The following DMD variants were observed in gnomAD, a reference collection of about 807,000 sequenced individuals.
DMD encodes the protein mutant dystrophin.
Under a neutral mutation model 330.1 loss-of-function variants are expected in DMD, and 63 were observed. The ratio of observed to expected loss-of-function variants is 0.19; its 90% CI spans 0.16 to 0.24. The LOEUF is 0.24. DMD is among the 10% of genes least tolerant of loss of function. The pLI is 1.00. For missense variants in DMD, 3,344 were observed against 2,684.1 expected (o/e 1.25, Z -5.43); for synonymous variants, 1,223 against 959.8 (o/e 1.27, Z -5.07).
chrX:32,620,260 A>G (rs2057891520), intron 11 of DMD, among the ~76,000 whole-genome samples: 1 of 112,084 alleles, frequency 8.9e-6, no homozygotes. Context: ...TGGAACCTGT[A>G]TGTAATGTTA....
chrX:32,586,312 G>C (rs974035547), intron 13 of DMD, among the ~76,000 whole-genome samples: 2 of 108,892 alleles, frequency 1.8e-5, no homozygotes, highest in Non-Finnish European at 1.9e-5. Flanking sequence ...AGTGTGACAG[G>C]TGTTAATATA....
At position 31,680,377 on chromosome X, in the gene DMD, C is replaced by CT. The variant is rs1188303470; in HGVS notation, c.7661-792dup. Among the ~76,000 whole-genome samples, 503 of 103,474 alleles carry CT rather than the reference C, an allele frequency of 4.9e-3. 3 individuals carry two copies. Among genetic ancestry groups the CT allele is most frequent in the Middle Eastern group, 9.8e-3 (2 of 204 alleles). The allele number at this position is 103,474 out of a possible 115,157, so 89.9% of individuals were successfully genotyped here. A position where few individuals can be genotyped will look rare whatever the true frequency, so the allele number is the denominator to read the frequency against. ...TATTAGAAACTTCTTCTTTTTCTTT[C>CT]TTTTTTTTTTTTGATGGAGTTTTGC... On this transcript the variant is annotated intron_variant, in intron 52 of 78. Coordinates refer to ENST00000357033, the MANE Select transcript of DMD (RefSeq NM_004006.3).
chrX:32,123,741 T>A (rs1160888949), intron 44 of DMD, among the ~76,000 whole-genome samples: 3 of 111,820 alleles, frequency 2.7e-5, no homozygotes, highest in African/African-American at 9.8e-5. Flanking sequence ...GCTTTATTCA[T>A]CTTTATGTCT....
intron 50 of DMD, among the ~76,000 whole-genome samples, chrX:31,796,518 C>T (rs952926818): frequency 6.3e-5 from 7 of 111,930 alleles, no homozygotes; most frequent in Admixed American, 9.5e-5. Flanking sequence ...GGAACATCTA[C>T]GTGGTAGCTT....
chrX:32,923,067 C>A, intron 2 of DMD, among the ~76,000 whole-genome samples: 1 of 111,427 alleles, frequency 9.0e-6, no homozygotes. Context: ...TTCTATGTCT[C>A]CTATTTATAG....
At chrX:32,794,957 G>A (rs1296858435) in intron 7 of DMD, among the ~76,000 whole-genome samples, 2 of 112,039 alleles carry the variant, frequency 1.8e-5, no homozygotes, top group Non-Finnish European at 3.8e-5. Context: ...TTTAGCCCAG[G>A]AGGGAAAGGT....
At chrX:33,250,039 C>A (rs973330724) in intron 1 of DMD, among the ~76,000 whole-genome samples, 1 of 96,412 alleles carries the variant, frequency 1.0e-5, no homozygotes, top group Non-Finnish European at 2.0e-5. Context: ...TGTTGTGGTT[C>A]TTTTTTCAGT....
intron 50 of DMD, among the ~76,000 whole-genome samples, chrX:31,810,792 T>A (rs2092436342): frequency 8.9e-6 from 1 of 111,969 alleles, no homozygotes; most frequent in Admixed American, 9.5e-5. Flanking sequence ...AAGCCTTCCA[T>A]TTTGAGCGGT....
chrX:31,232,508 T>C (rs1175779203), intron 63 of DMD, among the ~76,000 whole-genome samples: 1 of 111,468 alleles, frequency 9.0e-6, no homozygotes. Context: ...ATTAATGATG[T>C]TGGGGAGACA....
rs144787129 is a variant in DMD, at chrX:31,420,369, T to C, written c.9084+24112A>G. Among the ~76,000 whole-genome samples the C allele has an allele frequency of 7.1e-3, 794 of 112,023 alleles. 9 individuals carry two copies. Among genetic ancestry groups the C allele is most frequent in the African/African-American group, 0.024 (730 of 30,834 alleles). On this transcript the variant is annotated intron_variant, in intron 60 of 78. Coordinates refer to ENST00000357033, the MANE Select transcript of DMD (RefSeq NM_004006.3). ...GTCCAGAGTCAATTAATGGGAAACA[T>C]AGAACCAGAATCCAAGTCAATTTTG...
intron 21 of DMD, among the ~76,000 whole-genome samples, chrX:32,480,858 G>A (rs1265109711): frequency 9.0e-6 from 1 of 110,586 alleles, no homozygotes; most frequent in Admixed American, 9.6e-5. Context: ...ATTTTTAAAA[G>A]GAACATTTAC....
intron 13 of DMD, among the ~76,000 whole-genome samples, chrX:32,591,184 C>A (rs1231178710): frequency 2.7e-5 from 3 of 111,549 alleles, no homozygotes; most frequent in African/African-American, 6.5e-5. Context: ...ACTTTTAATT[C>A]TCCAAAATAT....
chrX:32,623,619 C>T (rs952969946), intron 11 of DMD, among the ~76,000 whole-genome samples: 4 of 108,087 alleles, frequency 3.7e-5, no homozygotes, highest in Admixed American at 9.9e-5. Context: ...CCTTGACCTC[C>T]CAGGCCCAAA....
At chrX:32,552,688 A>C (rs1174579589) in intron 16 of DMD, among the ~76,000 whole-genome samples, 3 of 112,444 alleles carry the variant, frequency 2.7e-5, no homozygotes, top group Non-Finnish European at 3.8e-5. Context: ...CAAGGGTCTA[A>C]TATCTGGAAT....
At position 31,184,404 on chromosome X, in the gene DMD, C is replaced by T. The variant is rs191002675; in HGVS notation, c.9808-1500G>A. 3.5e-3 allele frequency among the ~76,000 whole-genome samples: 371 copies of T among 107,175 alleles called. 1 individual carries two copies. The highest frequency in any genetic ancestry group is 0.012 in the African/African-American group (343 of 29,203). The allele number at this position is 107,175 out of a possible 115,157, so 93.1% of individuals were successfully genotyped here. A position where few individuals can be genotyped will look rare whatever the true frequency, so the allele number is the denominator to read the frequency against. Reference sequence around the variant, plus strand: ...GCCATCAGAGAAATGCAAATCAAAACCACAATGAGATACCATCTCACACCA... The same window carrying T: ...GCCATCAGAGAAATGCAAATCAAAATCACAATGAGATACCATCTCACACCA... On this transcript the variant is annotated intron_variant, in intron 67 of 78. Transcript: ENST00000357033.
intron 34 of DMD, among the ~76,000 whole-genome samples, chrX:32,380,242 C>A (rs993790280): frequency 6.3e-5 from 7 of 110,877 alleles, no homozygotes; most frequent in Non-Finnish European, 1.3e-4. Flanking sequence ...ATCTCTGGAC[C>A]AATTTTCAGA....
chrX:33,298,400 A>T (rs1164348265), intron 1 of DMD, among the ~76,000 whole-genome samples: 1 of 111,741 alleles, frequency 8.9e-6, no homozygotes, highest in Non-Finnish European at 1.9e-5. Flanking sequence ...AGAACCATTA[A>T]CAAAATTTCA....
chrX:33,028,055 A>G (rs779055196), intron 1 of DMD, among the ~76,000 whole-genome samples: 1 of 112,293 alleles, frequency 8.9e-6, no homozygotes, highest in East Asian at 2.8e-4. Flanking sequence ...GGAAATAGCA[A>G]TGTCAGGCTT....
chrX:33,041,370 T>C, intron 1 of DMD: 1 of 1,179,134 alleles, frequency 8.5e-7, no homozygotes, highest in Admixed American at 2.5e-5. Context: ...TTTCCGCCCC[T>C]CCTTCTCGCG....
Sources: gnomAD v4.1 joint callset for allele counts (sites outside exome capture counted in the v4.1 genomes callset) on GRCh38, gnomAD v4.1.1 for gene constraint, MANE v1.5 for transcripts, NCBI Gene and HGNC (gene_info 2026-07-23, HGNC 2026-07-21) for gene names.